Variants in C1QTNF8 observed in about 807,000 individuals in gnomAD.
C1QTNF8 encodes complement C1q tumor necrosis factor-related protein 8.
Under a neutral mutation model 19.2 loss-of-function variants are expected in C1QTNF8, and 27 were observed. That is an observed-to-expected ratio of 1.41 (90% CI 1.04 to 1.94). The LOEUF is 1.94. Among genes scored for constraint, C1QTNF8 ranks in the 30% most tolerant of loss-of-function variants. The pLI is 0.00. For missense variants in C1QTNF8, 484 were observed against 374.4 expected (o/e 1.29, Z -2.42); for synonymous variants, 208 against 172.8 (o/e 1.20, Z -1.60).
Position 1,089,790 on chromosome 16 carries a change from G to C in C1QTNF8, c.*809C>G, listed in dbSNP as rs1960506116. Among the ~76,000 whole-genome samples, 1 of 152,118 alleles carries C rather than the reference G, an allele frequency of 6.6e-6. No individual in the cohort carries two copies. The highest frequency in any genetic ancestry group is 2.1e-4 in the South Asian group (1 of 4,832). Reference sequence around the variant, plus strand: ...GGGGGTGTCCCGGTCGGGGTGGGAGGCCTGGGGTCTGCCAATCTCCCCTCG... The same window carrying C: ...GGGGGTGTCCCGGTCGGGGTGGGAGCCCTGGGGTCTGCCAATCTCCCCTCG... On this transcript the variant is annotated 3_prime_UTR_variant, in exon 5 of 5. Coordinates refer to ENST00000328449, the MANE Select transcript of C1QTNF8 (RefSeq NM_207419.3).
chr16:1,091,960 G>A (rs558104433), intron 4 of C1QTNF8, among the ~76,000 whole-genome samples: 5 of 152,302 alleles, frequency 3.3e-5, no homozygotes, highest in South Asian at 2.1e-4. Flanking sequence ...TGGCAAATAC[G>A]CAATGTCGAA....
Position 1,088,232 on chromosome 16 carries a change from T to G in C1QTNF8, c.*2367A>C, listed in dbSNP as rs539618998. ...GTAATATGAATTTCACCTAAACATTTAAAATTGGATTTTTACTGGAATTCC... is the reference window on the plus strand; with the variant it reads ...GTAATATGAATTTCACCTAAACATTGAAAATTGGATTTTTACTGGAATTCC... On this transcript the variant is annotated 3_prime_UTR_variant, in exon 5 of 5. Coordinates refer to ENST00000328449, the MANE Select transcript of C1QTNF8 (RefSeq NM_207419.3). 9.1e-4 allele frequency among the ~76,000 whole-genome samples: 138 copies of G among 152,378 alleles called. No individual in the cohort carries two copies. Among genetic ancestry groups the G allele is most frequent in the Middle Eastern group, 3.4e-3 (1 of 294 alleles).
At chr16:1,095,043 C>T (rs892799345) in intron 2 of C1QTNF8, 110 bp from the exon 3 acceptor site, 6 of 458,066 alleles carry the variant, frequency 1.3e-5, no homozygotes, top group South Asian at 8.8e-5. Context: ...CCAGTGGAGG[C>T]GGGAGCTTCT....
chr16:1,094,856 T>A lies in C1QTNF8; in HGVS notation c.67A>T (p.Arg23Trp). ...LPVGAWPGLP[R>W]RPCVHCCRPA... ...CGGCAGCAGTGCACACAGGGCCTCC[T>A]GGGCAGCCCGGGCCAGGCCCCCACG... is the stretch of plus-strand genomic sequence containing the variant. Residue 23 changes from arginine (R) to tryptophan (W), a missense_variant, in exon 3 of 5, where the codon AGG becomes TGG. By Grantham distance (101) the Arg-to-Trp change is moderately radical. Coordinates refer to ENST00000328449, the MANE Select transcript of C1QTNF8 (RefSeq NM_207419.3). The A allele has an allele frequency of 7.0e-7, 1 of 1,422,186 alleles. No homozygotes were observed. The allele number at this position is 1,422,186 out of a possible 1,614,324, so 88.1% of individuals were successfully genotyped here. A position where few individuals can be genotyped will look rare whatever the true frequency, so the allele number is the denominator to read the frequency against.
chr16:1,091,533 C>T (rs1960544049), intron 4 of C1QTNF8, among the ~76,000 whole-genome samples: 1 of 152,134 alleles, frequency 6.6e-6, no homozygotes, highest in African/African-American at 2.4e-5. Flanking sequence ...GTAACAGAGG[C>T]TTCCAGTGAC....
intron 4 of C1QTNF8, among the ~76,000 whole-genome samples, chr16:1,092,719 C>A (rs879629852): frequency 1.0e-5 from 1 of 95,508 alleles, no homozygotes; most frequent in African/African-American, 4.1e-5. Context: ...GGCGCTCAAC[C>A]AATCACAGCA....
chr16:1,095,445 G>A (rs1343301848), intron 2 of C1QTNF8, among the ~76,000 whole-genome samples, 170 bp downstream of exon 2: 4 of 152,180 alleles, frequency 2.6e-5, no homozygotes, highest in Non-Finnish European at 5.9e-5. Context: ...GGGCCTGCAG[G>A]GGCCTCGGGA....
rs1567392455 is a variant in C1QTNF8, at chr16:1,092,892, CCT to C, written c.*4+603_*4+604del. ...GCACACAGTCGGCGCTCAACCAATC[CCT>C]GCACACAGTCGGCGCTCAACAAATC... is the stretch of plus-strand genomic sequence containing the variant. On this transcript the variant is annotated intron_variant, in intron 4 of 4. Transcript: ENST00000328449. 9.5e-4 allele frequency among the ~76,000 whole-genome samples: 37 copies of C among 39,134 alleles called. 2 individuals carry two copies. Among genetic ancestry groups the C allele is most frequent in the Non-Finnish European group, 1.2e-3 (21 of 17,566 alleles). The allele number at this position is 39,134 out of a possible 152,430, so 25.7% of individuals were successfully genotyped here.
At position 1,094,836 on chromosome 16, in the gene C1QTNF8, G is replaced by A; in HGVS notation, c.87C>T (p.Cys29=). ...PGLPRRPCVH[C]CRPAWPPGPY... Reference sequence around the variant, plus strand: ...GTCCAGGGGGCCAGGCCGGGCGGCAGCAGTGCACACAGGGCCTCCTGGGCA... The same window carrying A: ...GTCCAGGGGGCCAGGCCGGGCGGCAACAGTGCACACAGGGCCTCCTGGGCA... Residue 29 remains cysteine (C), a synonymous_variant, in exon 3 of 5, where the codon TGC becomes TGT. Coordinates refer to ENST00000328449, the MANE Select transcript of C1QTNF8 (RefSeq NM_207419.3). The A allele has an allele frequency of 2.1e-6, 3 of 1,457,866 alleles. No individual in the cohort carries two copies. The highest frequency in any genetic ancestry group is 2.7e-6 in the Non-Finnish European group (3 of 1,103,512). 90.3% of individuals were successfully genotyped at this position (1,457,866 alleles called of 1,614,324 possible).
At chr16:1,092,102 C>A (rs996496576) in intron 4 of C1QTNF8, among the ~76,000 whole-genome samples, 1 of 152,220 alleles carries the variant, frequency 6.6e-6, no homozygotes, top group African/African-American at 2.4e-5. Context: ...CTCGCTCTAC[C>A]ACCTGGCTAC....
At chr16:1,095,443 A>G (rs910615304) in intron 2 of C1QTNF8, among the ~76,000 whole-genome samples, 172 bp downstream of exon 2, 1 of 152,154 alleles carries the variant, frequency 6.6e-6, no homozygotes, top group African/African-American at 2.4e-5. Flanking sequence ...CAGGGCCTGC[A>G]GGGGCCTCGG....
At position 1,088,672 on chromosome 16, in the gene C1QTNF8, G is replaced by A. The variant is rs1220728475; in HGVS notation, c.*1927C>T. Among the ~76,000 whole-genome samples, 1 of 150,542 alleles carries A rather than the reference G, an allele frequency of 6.6e-6. No homozygotes were observed. The highest frequency in any genetic ancestry group is 1.5e-5 in the Non-Finnish European group (1 of 67,586). On this transcript the variant is annotated 3_prime_UTR_variant, in exon 5 of 5. Transcript: ENST00000328449. ...GCGGGATGCAGGTCCTGCTGTCTGA[G>A]GCTCTCACAGGCATCTCCCCACCCC...
rs1177743294 is a variant in C1QTNF8 at position 1,088,809 on chromosome 16, G to A, written c.*1790C>T. ...CCCTGCTGCAGCCCGACCCCTGCCC[G>A]CCTGACCCCTGCTGCTTCTTAGTAT... On this transcript the variant is annotated 3_prime_UTR_variant, in exon 5 of 5. Transcript: ENST00000328449. 2.0e-5 allele frequency among the ~76,000 whole-genome samples: 3 copies of A among 152,108 alleles called. No homozygotes were observed. In the South Asian group the frequency reaches 6.2e-4, roughly 32 times the overall value.
intron 3 of C1QTNF8, 158 bp downstream of exon 3, chr16:1,094,557 G>A (rs372504299): frequency 1.9e-6 from 1 of 519,130 alleles, no homozygotes; most frequent in South Asian, 3.5e-5. Context: ...GCTTGCGGGG[G>A]GAGCCCAGGG....
chr16:1,093,900 G>A lies in C1QTNF8; in HGVS notation c.360C>T (p.Ser120=), dbSNP rs759645721. The change falls in exon 4 of 5, where the codon TCC becomes TCT. Residue 120 remains serine (S), a synonymous_variant. Transcript: ENST00000328449. ...AACRRAYAAF[S]VGRREGLHSS... ...TGTGCAGGCCCTCGCGCCGGCCCAC[G>A]GAGAAGGCGGCGTAGGCACGTCGGC... is the stretch of plus-strand genomic sequence containing the variant. The A allele has an allele frequency of 1.0e-5, 16 of 1,558,688 alleles. No homozygotes were observed. Among genetic ancestry groups the A allele is most frequent in the Middle Eastern group, 3.5e-4 (2 of 5,722 alleles).
rs1250631854 is a variant in C1QTNF8 at position 1,093,686 on chromosome 16, G to A, written c.574C>T (p.Leu192Phe). 3 of 1,611,808 alleles carry A rather than the reference G, an allele frequency of 1.9e-6. No homozygotes were observed. Among genetic ancestry groups the A allele is most frequent in the Non-Finnish European group, 2.5e-6 (3 of 1,179,572 alleles). The change falls in exon 4 of 5, where the codon CTC (leucine) becomes TTC (phenylalanine). Residue 192 changes from leucine to phenylalanine, a missense_variant. Transcript: ENST00000328449. ...CTGCGCTCGCTGGGCTGCGCGTAGA[G>A]CACGGCCGCGGGCCGCCGGTTCAGC... Reference protein sequence around the residue: ...IMLNRRPAAVLYAQPSERSVM... With the variant: ...IMLNRRPAAVFYAQPSERSVM...
In C1QTNF8 at chr16:1,094,703, C is replaced by T; in HGVS notation, c.208+12G>A. Reference sequence around the variant, plus strand: ...GGTGGGGGAGCATGCAGGCAGCACCCACGGGCCTCACCTTTGAGGATTTCG... The same window carrying T: ...GGTGGGGGAGCATGCAGGCAGCACCTACGGGCCTCACCTTTGAGGATTTCG... On this transcript the variant is annotated intron_variant, in intron 3 of 4. Transcript: ENST00000328449. 6.3e-7 allele frequency: 1 copy of T among 1,593,706 alleles called. No homozygotes were observed. The highest frequency in any genetic ancestry group is 8.5e-7 in the Non-Finnish European group (1 of 1,170,444).
chr16:1,089,775 C>T lies in C1QTNF8; in HGVS notation c.*824G>A, dbSNP rs1028090248. On this transcript the variant is annotated 3_prime_UTR_variant, in exon 5 of 5. Transcript: ENST00000328449. ...ACACGGGGTAGGGCTGGGGGTGTCC[C>T]GGTCGGGGTGGGAGGCCTGGGGTCT... Among the ~76,000 whole-genome samples, 10 of 152,290 alleles carry T rather than the reference C, an allele frequency of 6.6e-5. No individual in the cohort carries two copies. The East Asian group carries it at 1.7e-3, about 26-fold the overall frequency.
chr16:1,093,408 ACACACC>A (rs1196070997), intron 4 of C1QTNF8, 83 bp downstream of exon 4: 3 of 428,154 alleles, frequency 7.0e-6, no homozygotes, highest in Non-Finnish European at 1.0e-5. Flanking sequence ...ACCCACACAC[ACACACC>A]CACACCCACC....
Sources: gnomAD v4.1 joint callset for allele counts (sites outside exome capture counted in the v4.1 genomes callset) on GRCh38, gnomAD v4.1.1 for gene constraint, MANE v1.5 for transcripts, NCBI Gene and HGNC (gene_info 2026-07-23, HGNC 2026-07-21) for gene names.